Variants in KALRN observed in about 807,000 individuals in gnomAD.
The protein encoded by KALRN is kalirin.
KALRN carries 70 observed loss-of-function variants against 353.7 expected under a neutral mutation model. The observed-to-expected ratio is 0.20, with a 90% confidence interval of 0.16 to 0.24. The LOEUF (loss-of-function observed/expected upper bound fraction) is 0.24, where lower values mean the gene tolerates loss of function less well. KALRN is among the 10% of genes least tolerant of loss of function. The pLI is 1.00. For missense variants in KALRN, 2,791 were observed against 3,756.7 expected, an observed-to-expected ratio of 0.74 and a Z score of 6.72; for synonymous variants, 1,391 against 1,434.8, an observed-to-expected ratio of 0.97 and a Z score of 0.69.
At chr3:124,353,734 A>T (rs1384805478) in intron 10 of KALRN, among the ~76,000 whole-genome samples, 3 of 151,508 alleles carry the variant, frequency 2.0e-5, no homozygotes, top group Non-Finnish European at 4.4e-5. Context: ...CTTCTTAACA[A>T]GGATGAAAGA....
At chr3:124,234,754 C>T in intron 2 of KALRN, 75 bp from the exon 3 acceptor site, 1 of 1,150,434 alleles carries the variant, frequency 8.7e-7, no homozygotes, top group Non-Finnish European at 1.3e-6. Context: ...AGCACTCAGA[C>T]AGATTTCTTT....
chr3:124,264,744 C>G, intron 4 of KALRN, 54 bp downstream of exon 4: 8 of 1,473,430 alleles, frequency 5.4e-6, no homozygotes, highest in African/African-American at 2.8e-5. Context: ...TTCTGCCATC[C>G]ACACATTTCT....
At chr3:124,513,670 C>T (rs188654619) in intron 33 of KALRN, among the ~76,000 whole-genome samples, 18 of 152,332 alleles carry the variant, frequency 1.2e-4, no homozygotes, top group Non-Finnish European at 1.9e-4. Context: ...CTCTCCCACA[C>T]TGCCTAGGTT....
At chr3:124,125,616 AG>A (rs2064563915) in intron 1 of KALRN, among the ~76,000 whole-genome samples, 1 of 152,176 alleles carries the variant, frequency 6.6e-6, no homozygotes, top group Non-Finnish European at 1.5e-5. Flanking sequence ...TGGACATTTG[AG>A]GGAGTCTAAG....
chr3:124,582,990 A>C (rs4678140), intron 34 of KALRN, among the ~76,000 whole-genome samples: 1 of 151,924 alleles, frequency 6.6e-6, no homozygotes, highest in Admixed American at 6.6e-5. Flanking sequence ...GCCTCCCTGC[A>C]TCGTTCAGGC....
chr3:124,267,346 C>G (rs1307478314), intron 4 of KALRN, among the ~76,000 whole-genome samples: 1 of 152,182 alleles, frequency 6.6e-6, no homozygotes, highest in African/African-American at 2.4e-5. Flanking sequence ...GATTCTGCCT[C>G]AATAGGTCTG....
chr3:124,220,808 C>A (rs2077819779), intron 1 of KALRN, among the ~76,000 whole-genome samples: 1 of 152,202 alleles, frequency 6.6e-6, no homozygotes, highest in Admixed American at 6.5e-5. Flanking sequence ...TCAAAAGAGA[C>A]AAAGTTCCAG....
At chr3:124,440,494 A>G (rs2093633304) in intron 18 of KALRN, among the ~76,000 whole-genome samples, 1 of 152,076 alleles carries the variant, frequency 6.6e-6, no homozygotes, top group Admixed American at 6.6e-5. Context: ...TGTTTTATTC[A>G]GGAGCCTCTG....
chr3:124,466,849 C>G (rs1262866053), intron 25 of KALRN, among the ~76,000 whole-genome samples: 1 of 152,236 alleles, frequency 6.6e-6, no homozygotes, highest in Non-Finnish European at 1.5e-5. Context: ...GCTGCCACAT[C>G]TGGCTGGTTT....
At chr3:124,658,369 C>T (rs2150189308) in intron 41 of KALRN, 62 bp from the exon 42 acceptor site, 1 of 1,306,500 alleles carries the variant, frequency 7.7e-7, no homozygotes, top group Non-Finnish European at 1.1e-6. Context: ...GCACGGCACT[C>T]TGAGATTGAA....
At chr3:124,197,410 C>A (rs934734406) in intron 1 of KALRN, among the ~76,000 whole-genome samples, 2 of 152,204 alleles carry the variant, frequency 1.3e-5, no homozygotes, top group South Asian at 2.1e-4. Context: ...AAACAAACAC[C>A]CAGAACACAG....
chr3:124,162,233 C>A (rs2070083301), intron 1 of KALRN: 1 of 152,056 alleles, frequency 6.6e-6, no homozygotes, highest in Non-Finnish European at 1.5e-5. Flanking sequence ...TCCCAGTCTT[C>A]CTAATGAGGC....
chr3:124,067,191 C>T (rs147657265), intron 1 of KALRN, among the ~76,000 whole-genome samples: 1 of 152,166 alleles, frequency 6.6e-6, no homozygotes, highest in Admixed American at 6.5e-5. Flanking sequence ...CAGCCAGGCT[C>T]TCAGTAAAAT....
chr3:124,330,285 C>T (rs2080404289), intron 8 of KALRN, among the ~76,000 whole-genome samples: 1 of 149,594 alleles, frequency 6.7e-6, no homozygotes, highest in African/African-American at 2.5e-5. Context: ...CACACACACA[C>T]ACCCCATACA....
intron 33 of KALRN, among the ~76,000 whole-genome samples, chr3:124,530,888 A>C (rs1305306007): frequency 6.6e-6 from 1 of 152,200 alleles, no homozygotes; most frequent in Non-Finnish European, 1.5e-5. Flanking sequence ...ACAAAAGTGA[A>C]TATATCTGTT....
chr3:124,605,586 A>AG lies in KALRN; in HGVS notation c.5183-26834_5183-26833insG, dbSNP rs1393448627. Among the ~76,000 whole-genome samples the AG allele has an allele frequency of 6.5e-3, 923 of 142,310 alleles. 11 individuals are homozygous for AG. The highest frequency in any genetic ancestry group is 0.022 in the African/African-American group (809 of 37,338). 93.4% of individuals were successfully genotyped at this position (142,310 alleles called of 152,430 possible). A position where few individuals can be genotyped will look rare whatever the true frequency, so the allele number is the denominator to read the frequency against. On this transcript the variant is annotated intron_variant, in intron 34 of 59. Transcript: ENST00000682506. ...GGACTCCATCTAAAAAAAAAAAAAA[A>AG]AGAGAGAGAGAGAATAGGTGCATTA...
At chr3:124,160,926 G>A (rs2069835663) in intron 1 of KALRN, among the ~76,000 whole-genome samples, 1 of 152,200 alleles carries the variant, frequency 6.6e-6, no homozygotes, top group African/African-American at 2.4e-5. Context: ...GTTCTCCAAG[G>A]ACTGAGAAGG....
intron 1 of KALRN, among the ~76,000 whole-genome samples, chr3:124,091,855 G>A (rs2061138741): frequency 6.6e-6 from 1 of 152,210 alleles, no homozygotes; most frequent in Non-Finnish European, 1.5e-5. Context: ...CTGTGTCCTG[G>A]CCAATATCCT....
chr3:124,394,988 A>G (rs1207638262), intron 11 of KALRN, 147 bp from the exon 12 acceptor site: 1 of 605,614 alleles, frequency 1.7e-6, no homozygotes, highest in Non-Finnish European at 2.9e-6. Flanking sequence ...AAATGTAAAA[A>G]CACAAACTGA....
Sources: gnomAD v4.1 joint callset for allele counts (sites outside exome capture counted in the v4.1 genomes callset) on GRCh38, gnomAD v4.1.1 for gene constraint, MANE v1.5 for transcripts, NCBI Gene and HGNC (gene_info 2026-07-23, HGNC 2026-07-21) for gene names.